Variants in KMT5A observed in about 807,000 individuals in gnomAD.
The protein encoded by KMT5A is lysine methyltransferase 5A, also known as N-lysine methyltransferase KMT5A.
In KMT5A, 6 loss-of-function variants were observed where a neutral mutation model predicts 40.6. That is an observed-to-expected ratio of 0.15 (90% confidence interval 0.08 to 0.29). The LOEUF is 0.29. Ranked by LOEUF, KMT5A falls within the 10% of genes least tolerant of loss-of-function variation. The pLI is 1.00. For synonymous variants in KMT5A, 153 were observed against 178.8 expected (o/e 0.86, Z 1.15); for missense variants, 308 against 459.1 (o/e 0.67, Z 3.01).
chr12:123,385,650 G>A (rs1390821247), intron 1 of KMT5A, among the ~76,000 whole-genome samples: 1 of 152,092 alleles, frequency 6.6e-6, no homozygotes, highest in African/African-American at 2.4e-5. Flanking sequence ...TCGGGAGTTC[G>A]AGACCAGTCT....
intron 1 of KMT5A, among the ~76,000 whole-genome samples, chr12:123,386,783 G>A (rs1359308027): frequency 6.6e-6 from 1 of 152,072 alleles, no homozygotes; most frequent in Non-Finnish European, 1.5e-5. Context: ...CTCTTGGTTG[G>A]TTGCCCTCCT....
chr12:123,405,943 C>G (rs1471501741), intron 7 of KMT5A, among the ~76,000 whole-genome samples: 3 of 152,126 alleles, frequency 2.0e-5, no homozygotes, highest in African/African-American at 7.2e-5. Context: ...CCTCAGCCTC[C>G]TGAGTAGCTG....
chr12:123,398,579 C>A (rs566128644), intron 5 of KMT5A, among the ~76,000 whole-genome samples: 34 of 152,346 alleles, frequency 2.2e-4, no homozygotes, highest in African/African-American at 6.7e-4. Context: ...GCACAGTCTG[C>A]AAACACAAGA....
In KMT5A at chr12:123,403,652, G is replaced by T. The variant is rs772285416; in HGVS notation, c.657+20G>T. On this transcript the variant is annotated intron_variant, in intron 6 of 7. Transcript: ENST00000402868. ...ATGAAGGTAAGGGGCTGCTGTGCTT[G>T]CTGCATCATAGCTAAAGCTGGAAGA... The T allele has an allele frequency of 6.2e-7, 1 of 1,614,082 alleles. No homozygotes were observed. Among genetic ancestry groups the T allele is most frequent in the Admixed American group, 1.7e-5 (1 of 60,024 alleles).
At chr12:123,385,264 C>CCAGA (rs1479276093) in intron 1 of KMT5A, among the ~76,000 whole-genome samples, 1 of 152,014 alleles carries the variant, frequency 6.6e-6, no homozygotes, top group African/African-American at 2.4e-5. Flanking sequence ...TAAGACTTAC[C>CCAGA]CAGAGCCTGA....
At chr12:123,396,499 G>T (rs1877740440) in intron 5 of KMT5A, 67 bp downstream of exon 5, 2 of 1,395,498 alleles carry the variant, frequency 1.4e-6, no homozygotes, top group African/African-American at 2.8e-5. Flanking sequence ...TGCTTGGCGT[G>T]TGCGTATGTG....
At chr12:123,397,926 G>C (rs1185712129) in intron 5 of KMT5A, among the ~76,000 whole-genome samples, 2 of 150,408 alleles carry the variant, frequency 1.3e-5, no homozygotes, top group Admixed American at 1.3e-4. Context: ...GCCCACCTCA[G>C]CCTCCCAAAG....
At chr12:123,391,146 C>G (rs1461890427) in intron 3 of KMT5A, 1 of 200,922 alleles carries the variant, frequency 5.0e-6, no homozygotes, top group Admixed American at 5.4e-5. Context: ...CTAATGTGTT[C>G]ATGTAGGGAA....
In KMT5A at chr12:123,390,633, A is replaced by C; in HGVS notation, c.136A>C (p.Asn46His). Residue 46 changes from asparagine (N) to histidine (H), a missense_variant, in exon 3 of 8, where the codon AAC becomes CAC. Asn to His is a moderately conservative substitution (Grantham distance 68, BLOSUM62 1). Transcript: ENST00000402868. Reference sequence around the variant, plus strand: ...GAATATGCTTTTGTCTTTTTAGGAGAACGTATTTACCGGGCAGTCAAAGAT... The same window carrying C: ...GAATATGCTTTTGTCTTTTTAGGAGCACGTATTTACCGGGCAGTCAAAGAT... ...GPGRPRTDGE[N>H]VFTGQSKIYS... 6.2e-7 allele frequency: 1 copy of C among 1,613,418 alleles called. No homozygotes were observed.
At chr12:123,396,460 G>A (rs1341876502) in intron 5 of KMT5A, 28 bp downstream of exon 5, 8 of 1,611,052 alleles carry the variant, frequency 5.0e-6, no homozygotes, top group African/African-American at 1.3e-5. Flanking sequence ...ATTCCAGTTT[G>A]TGGAGGGGCA....
intron 3 of KMT5A, among the ~76,000 whole-genome samples, chr12:123,392,689 G>T (rs1384529722): frequency 6.6e-6 from 1 of 151,950 alleles, no homozygotes; most frequent in East Asian, 1.9e-4. Context: ...AAGAATTTAG[G>T]TCAGCTGGAC....
chr12:123,407,604 C>T lies in KMT5A; in HGVS notation c.960C>T (p.Leu320=), dbSNP rs1363298289. ...HDIDGVPHLI[L]IASRDIAAGE... is the part of the protein sequence containing the mutation. ...TCGACGGCGTACCTCACCTCATCCT[C>T]ATCGCCTCCCGAGACATCGCGGCTG... is the stretch of plus-strand genomic sequence containing the variant. Residue 320 remains leucine, a synonymous_variant, in exon 8 of 8, where the codon CTC becomes CTT. Coordinates refer to ENST00000402868, the MANE Select transcript of KMT5A (RefSeq NM_020382.7). 1.9e-6 allele frequency: 3 copies of T among 1,613,960 alleles called. No homozygotes were observed. Among genetic ancestry groups the T allele is most frequent in the Non-Finnish European group, 2.5e-6 (3 of 1,179,862 alleles).
At chr12:123,404,027 T>TG (rs1593474259) in intron 6 of KMT5A, among the ~76,000 whole-genome samples, 1 of 152,158 alleles carries the variant, frequency 6.6e-6, no homozygotes, top group Non-Finnish European at 1.5e-5. Flanking sequence ...GCCCAGCCCC[T>TG]GGCAGCCACT....
intron 1 of KMT5A, among the ~76,000 whole-genome samples, chr12:123,385,133 G>A (rs976980840): frequency 1.3e-5 from 2 of 152,028 alleles, no homozygotes; most frequent in Non-Finnish European, 2.9e-5. Flanking sequence ...GCTCCCTATA[G>A]CAATAATAAT....
chr12:123,396,251 C>T (rs1566077551), intron 4 of KMT5A, 94 bp from the exon 5 acceptor site: 23 of 1,141,166 alleles, frequency 2.0e-5, no homozygotes, highest in Non-Finnish European at 3.0e-5. Context: ...CTCCAAGGAG[C>T]TGTGTGCCTC....
intron 5 of KMT5A, among the ~76,000 whole-genome samples, chr12:123,397,347 C>T (rs1389728210): frequency 3.3e-5 from 5 of 152,170 alleles, no homozygotes; most frequent in South Asian, 2.1e-4. Flanking sequence ...CAGTGACCAC[C>T]GGGTTGGGAG....
chr12:123,401,875 C>A (rs1398364162), intron 5 of KMT5A, among the ~76,000 whole-genome samples: 2 of 151,866 alleles, frequency 1.3e-5, no homozygotes, highest in African/African-American at 2.4e-5. Flanking sequence ...AGCCACCATG[C>A]CTGGTCATGT....
chr12:123,389,752 G>A (rs1877144426), intron 2 of KMT5A, among the ~76,000 whole-genome samples, 198 bp downstream of exon 2: 1 of 152,052 alleles, frequency 6.6e-6, no homozygotes, highest in Admixed American at 6.5e-5. Flanking sequence ...CTGCGCCTTC[G>A]TGGCGTCTCC....
At chr12:123,390,866 T>A in intron 3 of KMT5A, 80 bp downstream of exon 3, 1 of 1,490,346 alleles carries the variant, frequency 6.7e-7, no homozygotes, top group Admixed American at 2.0e-5. Context: ...AATGCACATA[T>A]GTATTTATCC....
Sources: allele counts gnomAD v4.1 joint callset (sites outside exome capture counted in the v4.1 genomes callset), GRCh38; gene constraint gnomAD v4.1.1; transcripts MANE v1.5; gene names NCBI Gene and HGNC (gene_info 2026-07-23, HGNC 2026-07-21).